STARD13: variants seen among roughly 807,000 people sequenced by gnomAD.
STARD13 encodes the protein stAR-related lipid transfer protein 13.
In STARD13, 62 loss-of-function variants were observed where a neutral mutation model predicts 106.4. The observed-to-expected ratio is 0.58, with a 90% CI of 0.48 to 0.72. The LOEUF is 0.72. Ranked by LOEUF, STARD13 falls within the 30% of genes least tolerant of loss-of-function variation. The pLI, the probability that STARD13 is intolerant of heterozygous loss-of-function variation, is 0.00. For synonymous variants in STARD13, 565 were observed against 553.0 expected (o/e 1.02, Z -0.31); for missense variants, 1,387 against 1,424.0 (o/e 0.97, Z 0.42).
chr13:33,498,081 G>C, the STARD13 span, among the ~76,000 whole-genome samples: 1 of 152,164 alleles, frequency 6.6e-6, no homozygotes, highest in Admixed American at 6.6e-5. Flanking sequence ...ATTTCAAAGA[G>C]ACGAACTAGA....
At chr13:33,493,160 C>T in the STARD13 span, among the ~76,000 whole-genome samples, 1 of 152,130 alleles carries the variant, frequency 6.6e-6, no homozygotes, top group Non-Finnish European at 1.5e-5. Flanking sequence ...AGGGGTGGAA[C>T]AGCTAAAAAG....
intron 1 of STARD13, among the ~76,000 whole-genome samples, chr13:33,214,827 A>G (rs975906996): frequency 6.6e-6 from 1 of 152,154 alleles, no homozygotes; most frequent in African/African-American, 2.4e-5. Context: ...TCAAAACACC[A>G]CAGACATTGT....
At chr13:33,325,983 TA>T (rs59403273) in intron 1 of STARD13, among the ~76,000 whole-genome samples, 18 of 96,188 alleles carry the variant, frequency 1.9e-4, no homozygotes, top group African/African-American at 5.1e-4. Context: ...AGACTCCGTT[TA>T]AAAAAAAAAA....
chr13:33,349,468 G>A (rs941319212), intron 1 of STARD13, among the ~76,000 whole-genome samples: 1 of 152,178 alleles, frequency 6.6e-6, no homozygotes, highest in African/African-American at 2.4e-5. Context: ...TGGCTGGACC[G>A]CCCACTGCAT....
intron 1 of STARD13, chr13:33,272,958 T>A (rs1891233694): frequency 6.6e-6 from 1 of 152,064 alleles, no homozygotes; most frequent in African/African-American, 2.4e-5. Context: ...TCTGAAACAA[T>A]CTCTCTTTTA....
chr13:33,327,696 TA>T (rs1228247596), intron 1 of STARD13, among the ~76,000 whole-genome samples: 2 of 152,242 alleles, frequency 1.3e-5, no homozygotes, highest in Admixed American at 6.5e-5. Context: ...TAATCAGTAT[TA>T]TTTTTTATCA....
At chr13:33,170,697 C>T (rs1399760423) in intron 1 of STARD13, among the ~76,000 whole-genome samples, 18 of 152,086 alleles carry the variant, frequency 1.2e-4, no homozygotes, top group Non-Finnish European at 1.9e-4. Context: ...TTTCCTATAC[C>T]CAACTTGCCA....
chr13:33,390,688 G>C, the STARD13 span, among the ~76,000 whole-genome samples: 1 of 152,158 alleles, frequency 6.6e-6, no homozygotes, highest in African/African-American at 2.4e-5. Flanking sequence ...TCCAGGAAGA[G>C]AGCGAGCTCC....
At chr13:33,427,113 C>A in the STARD13 span, among the ~76,000 whole-genome samples, 1 of 152,234 alleles carries the variant, frequency 6.6e-6, no homozygotes, top group Non-Finnish European at 1.5e-5. Context: ...TAAAAGTTTC[C>A]ATTTATTATT....
chr13:33,406,492 C>A, the STARD13 span, among the ~76,000 whole-genome samples: 3 of 152,174 alleles, frequency 2.0e-5, no homozygotes, highest in Non-Finnish European at 4.4e-5. Context: ...ACTAACTGAT[C>A]AACACATAAC....
chr13:33,106,395 T>A (rs555284511), intron 13 of STARD13, among the ~76,000 whole-genome samples: 1 of 152,280 alleles, frequency 6.6e-6, no homozygotes, highest in African/African-American at 2.4e-5. Flanking sequence ...CACTCCAGCC[T>A]GGGTGACAGA....
chr13:33,245,131 C>T (rs1889756488), intron 1 of STARD13, among the ~76,000 whole-genome samples: 1 of 152,324 alleles, frequency 6.6e-6, no homozygotes, highest in Non-Finnish European at 1.5e-5. Context: ...AGCTGAGTTT[C>T]ACTGTGAGTT....
the STARD13 span, among the ~76,000 whole-genome samples, chr13:33,437,797 C>T: frequency 6.6e-6 from 1 of 152,156 alleles, no homozygotes; most frequent in Admixed American, 6.5e-5. Flanking sequence ...TCCCAGAGTG[C>T]TTTCCATAAA....
At chr13:33,669,117 C>G in the STARD13 span, among the ~76,000 whole-genome samples, 1 of 152,124 alleles carries the variant, frequency 6.6e-6, no homozygotes, top group Non-Finnish European at 1.5e-5. Context: ...TTTTCTGTTG[C>G]ACCAAGTTAA....
chr13:33,647,289 T>G, the STARD13 span, among the ~76,000 whole-genome samples: 1 of 152,172 alleles, frequency 6.6e-6, no homozygotes, highest in Non-Finnish European at 1.5e-5. Flanking sequence ...TCAAAAAAAT[T>G]TTATCTCCCA....
chr13:33,329,712 T>C (rs2077815477), intron 1 of STARD13, among the ~76,000 whole-genome samples: 1 of 151,004 alleles, frequency 6.6e-6, no homozygotes, highest in Non-Finnish European at 1.5e-5. Flanking sequence ...TTCTTTTTTT[T>C]TTTTTTTTTG....
At chr13:33,465,673 A>G in the STARD13 span, among the ~76,000 whole-genome samples, 38 of 152,030 alleles carry the variant, frequency 2.5e-4, 1 homozygote, top group Non-Finnish European at 4.6e-4. Context: ...TTGCTCCACT[A>G]CAGACTGACT....
intron 1 of STARD13, among the ~76,000 whole-genome samples, chr13:33,296,047 C>A (rs1892478491): frequency 6.6e-6 from 1 of 151,654 alleles, no homozygotes; most frequent in Admixed American, 6.6e-5. Context: ...ATGGCGAAAC[C>A]TCGTCTCTAC....
chr13:33,604,509 A>G, the STARD13 span, among the ~76,000 whole-genome samples: 1 of 152,224 alleles, frequency 6.6e-6, no homozygotes, highest in Non-Finnish European at 1.5e-5. Context: ...TAAGAATGCT[A>G]AAAGAGGCCA....
Sources: gnomAD v4.1 joint callset for allele counts (sites outside exome capture counted in the v4.1 genomes callset) on GRCh38, gnomAD v4.1.1 for gene constraint, MANE v1.5 for transcripts, NCBI Gene and HGNC (gene_info 2026-07-23, HGNC 2026-07-21) for gene names.